The following ETNPPL variants were observed in gnomAD, a reference collection of about 807,000 sequenced individuals.
The protein encoded by ETNPPL is ethanolamine-phosphate phospho-lyase.
A neutral mutation model predicts 55.5 loss-of-function variants in ETNPPL; 30 were observed. That is an observed-to-expected ratio of 0.54 (90% CI 0.40 to 0.73). ETNPPL has a LOEUF of 0.73. ETNPPL is among the 30% of genes least tolerant of loss of function. The pLI is 0.00. For synonymous variants in ETNPPL, 202 were observed against 207.2 expected, an observed-to-expected ratio of 0.98 and a Z score of 0.21; for missense variants, 528 against 607.9, an observed-to-expected ratio of 0.87 and a Z score of 1.38.
chr4:108,748,216 C>A, intron 8 of ETNPPL, 57 bp from the exon 9 acceptor site: 1 of 1,357,950 alleles, frequency 7.4e-7, no homozygotes, highest in South Asian at 1.5e-5. Context: ...GTGGTATTCC[C>A]TCATCCATGA....
intron 6 of ETNPPL, 62 bp downstream of exon 6, chr4:108,752,833 C>G (rs1282657801): frequency 2.1e-6 from 2 of 931,558 alleles, no homozygotes; most frequent in East Asian, 4.9e-5. Context: ...TCAGTGAATC[C>G]CAACAGTTTT....
chr4:108,742,913 C>T (rs1033063352), intron 12 of ETNPPL, among the ~76,000 whole-genome samples: 10 of 152,180 alleles, frequency 6.6e-5, no homozygotes, highest in African/African-American at 2.4e-5. Context: ...TTGCAGGACT[C>T]TTTAATGCTT....
chr4:108,744,382 A>C (rs755309242), intron 11 of ETNPPL, among the ~76,000 whole-genome samples: 14 of 152,210 alleles, frequency 9.2e-5, no homozygotes, highest in African/African-American at 2.4e-5. Context: ...CTTTATTCAA[A>C]GGAAATTCTT....
intron 5 of ETNPPL, among the ~76,000 whole-genome samples, chr4:108,753,749 T>TAAGAAAGAAAGAAGA (rs1553934220): frequency 5.2e-5 from 4 of 76,712 alleles, no homozygotes; most frequent in Non-Finnish European, 9.6e-5. Flanking sequence ...CTCAAATAAA[T>TAAGAAAGAAAGAAGA]AAGAAAGAAA....
At chr4:108,750,125 T>C (rs1174584764) in intron 7 of ETNPPL, among the ~76,000 whole-genome samples, 4 of 152,210 alleles carry the variant, frequency 2.6e-5, no homozygotes, top group Non-Finnish European at 5.9e-5. Context: ...TGGTTAATAC[T>C]GAGTGTCAAC....
intron 5 of ETNPPL, among the ~76,000 whole-genome samples, chr4:108,753,800 G>GAAAGAAAGA (rs374263477): frequency 5.3e-4 from 58 of 109,064 alleles, no homozygotes; most frequent in African/African-American, 2.0e-3. Context: ...AAGAAAGAAA[G>GAAAGAAAGA]AAAGAAAAGA....
chr4:108,755,588 G>T (rs1729158950), intron 4 of ETNPPL, among the ~76,000 whole-genome samples: 1 of 152,268 alleles, frequency 6.6e-6, no homozygotes, highest in Admixed American at 6.5e-5. Flanking sequence ...GGGCTGAGGC[G>T]GGTGGATCAC....
Position 108,760,264 on chromosome 4 carries a change from T to C in ETNPPL, c.99A>G (p.Ile33Met), listed in dbSNP as rs775760343. 3 of 1,612,338 alleles carry C rather than the reference T, an allele frequency of 1.9e-6. No individual in the cohort carries two copies. The South Asian group carries it at 3.3e-5, about 18-fold the overall frequency. Residue 33 changes from isoleucine (I) to methionine (M), a missense_variant, in exon 2 of 13, where the codon ATA (isoleucine) becomes ATG (methionine). Transcript: ENST00000296486. ...KVFFASDPIK[I>M]VRAQRQYMFD... is the part of the protein sequence containing the mutation. ...ACATGTACTGCCTCTGGGCTCTCAC[T>C]ATTTTGATGGGATCCGATGCAAAGA... is the stretch of plus-strand genomic sequence containing the variant.
chr4:108,752,058 G>T (rs530201770), intron 6 of ETNPPL, among the ~76,000 whole-genome samples: 2 of 152,134 alleles, frequency 1.3e-5, no homozygotes, highest in Non-Finnish European at 2.9e-5. Context: ...AGAGCTTTAG[G>T]TCTACCTGCA....
At chr4:108,756,534 CT>C in intron 3 of ETNPPL, 42 bp from the exon 4 acceptor site, 2 of 1,465,094 alleles carry the variant, frequency 1.4e-6, no homozygotes, top group Non-Finnish European at 1.9e-6. Flanking sequence ...GTGACAGTCT[CT>C]TTTTAAAACA....
At chr4:108,748,820 C>T (rs1412981724) in intron 8 of ETNPPL, among the ~76,000 whole-genome samples, 1 of 152,072 alleles carries the variant, frequency 6.6e-6, no homozygotes, top group Non-Finnish European at 1.5e-5. Context: ...GGGCAACCAT[C>T]TATCATTGGA....
At chr4:108,745,804 G>A (rs1263662139) in intron 11 of ETNPPL, among the ~76,000 whole-genome samples, 2 of 150,332 alleles carry the variant, frequency 1.3e-5, no homozygotes, top group Middle Eastern at 3.2e-3. Flanking sequence ...GGTGGCGGGT[G>A]CCTGTAATCC....
Position 108,757,297 on chromosome 4 carries a change from C to T in ETNPPL, c.336-805G>A, listed in dbSNP as rs186323196. Among the ~76,000 whole-genome samples, 14 of 152,306 alleles carry T rather than the reference C, an allele frequency of 9.2e-5. No individual in the cohort carries two copies. The East Asian group carries it at 2.5e-3, about 27-fold the overall frequency. Reference sequence around the variant, plus strand: ...TAATAATAAGTGGAATGTTTACTATCCGTTAAACATCATGCTGAGGATTTT... The same window carrying T: ...TAATAATAAGTGGAATGTTTACTATTCGTTAAACATCATGCTGAGGATTTT... On this transcript the variant is annotated intron_variant, in intron 3 of 12. Transcript: ENST00000296486.
At chr4:108,760,573 CT>C (rs1729468577) in intron 1 of ETNPPL, among the ~76,000 whole-genome samples, 1 of 152,174 alleles carries the variant, frequency 6.6e-6, no homozygotes. Context: ...GGAATCCACT[CT>C]CTGATGGTTC....
chr4:108,750,614 G>GATATATATTTTATATAT (rs1164661418), intron 7 of ETNPPL, among the ~76,000 whole-genome samples: 1 of 121,584 alleles, frequency 8.2e-6, no homozygotes, highest in African/African-American at 3.3e-5. Context: ...ATATATATAG[G>GATATATATTTTATATAT]ATATATATAT....
chr4:108,756,793 TC>T (rs1288423028), intron 3 of ETNPPL, among the ~76,000 whole-genome samples: 1 of 152,088 alleles, frequency 6.6e-6, no homozygotes, highest in Non-Finnish European at 1.5e-5. Flanking sequence ...CCCACTGCAC[TC>T]CAGCCTGGGT....
At position 108,763,040 on chromosome 4, in the gene ETNPPL, G is replaced by T; in HGVS notation, c.-142C>A. The T allele has an allele frequency of 1.4e-6, 1 of 697,618 alleles. No individual in the cohort carries two copies. The highest frequency in any genetic ancestry group is 2.5e-6 in the Non-Finnish European group (1 of 403,834). The allele number at this position is 697,618 out of a possible 1,614,324, so 43.2% of individuals were successfully genotyped here. Reference sequence around the variant, plus strand: ...CGTTCTCTTGCCCGGGGCGTCGGAGGTCACCGGTGGCGTCAACTAGCTAGG... The same window carrying T: ...CGTTCTCTTGCCCGGGGCGTCGGAGTTCACCGGTGGCGTCAACTAGCTAGG... On this transcript the variant is annotated 5_prime_UTR_variant, in exon 1 of 13. Transcript: ENST00000296486.
At chr4:108,742,865 C>T (rs964659113) in intron 12 of ETNPPL, among the ~76,000 whole-genome samples, 13 of 152,188 alleles carry the variant, frequency 8.5e-5, no homozygotes, top group Non-Finnish European at 1.8e-4. Context: ...AGTGGGATTT[C>T]TTGTGCTGAA....
In ETNPPL at chr4:108,742,441, CTG is replaced by C. The variant is rs1283158956; in HGVS notation, c.*41_*42del. On this transcript the variant is annotated 3_prime_UTR_variant, in exon 13 of 13. Coordinates refer to ENST00000296486, the MANE Select transcript of ETNPPL (RefSeq NM_031279.4). Reference sequence around the variant, plus strand: ...CCGATGAGACACATCTACTCATTCTCTGTAACTCTGGACATCGCATCTTGCTT... The same window carrying C: ...CCGATGAGACACATCTACTCATTCTCTAACTCTGGACATCGCATCTTGCTT... 9 of 1,609,480 alleles carry C rather than the reference CTG, an allele frequency of 5.6e-6. No homozygotes were observed. Among genetic ancestry groups the C allele is most frequent in the Non-Finnish European group, 6.8e-6 (8 of 1,176,586 alleles).
Sources: gnomAD v4.1 joint callset for allele counts (sites outside exome capture counted in the v4.1 genomes callset) on GRCh38, gnomAD v4.1.1 for gene constraint, MANE v1.5 for transcripts, NCBI Gene and HGNC (gene_info 2026-07-23, HGNC 2026-07-21) for gene names.